The following TNFAIP8 variants were observed in gnomAD, a reference collection of about 807,000 sequenced individuals.
TNFAIP8 encodes the protein TNF alpha induced protein 8.
In TNFAIP8, 7 loss-of-function variants were observed where a neutral mutation model predicts 13.3. The ratio of observed to expected loss-of-function variants is 0.52; its 90% CI spans 0.30 to 0.99. The LOEUF (loss-of-function observed/expected upper bound fraction) is 0.99, where lower values mean the gene tolerates loss of function less well. TNFAIP8 is among the 50% of genes least tolerant of loss of function. The pLI is 0.07. For synonymous variants in TNFAIP8, 94 were observed against 87.6 expected (o/e 1.07, Z -0.41); for missense variants, 258 against 236.9 (o/e 1.09, Z -0.58).
At chr5:119,309,134 C>T (rs1012612102) in intron 1 of TNFAIP8, among the ~76,000 whole-genome samples, 2 of 152,198 alleles carry the variant, frequency 1.3e-5, no homozygotes, top group East Asian at 1.9e-4. Context: ...TCTACTCAAA[C>T]CACAACTTCC....
intron 1 of TNFAIP8, among the ~76,000 whole-genome samples, chr5:119,273,943 T>C (rs1581558914): frequency 6.6e-6 from 1 of 152,220 alleles, no homozygotes; most frequent in African/African-American, 2.4e-5. Flanking sequence ...CTCTTACTCC[T>C]TCAACCCAAA....
intron 1 of TNFAIP8, among the ~76,000 whole-genome samples, chr5:119,346,752 T>A (rs1415043659): frequency 1.3e-5 from 2 of 152,204 alleles, no homozygotes; most frequent in Non-Finnish European, 2.9e-5. Context: ...AAATGTTGTG[T>A]ATTGCTTTGT....
At chr5:119,335,784 C>A (rs1253302655) in intron 1 of TNFAIP8, among the ~76,000 whole-genome samples, 1 of 151,556 alleles carries the variant, frequency 6.6e-6, no homozygotes, top group Non-Finnish European at 1.5e-5. Flanking sequence ...TAAACATCAA[C>A]AAAATAAATA....
At chr5:119,364,821 T>TTTC (rs2112796668) in intron 1 of TNFAIP8, among the ~76,000 whole-genome samples, 1 of 151,328 alleles carries the variant, frequency 6.6e-6, no homozygotes, top group East Asian at 1.9e-4. Context: ...TGAAGGGTTT[T>TTTC]TTCCCCTTTT....
chr5:119,353,151 T>C (rs1581633928), upstream of TNFAIP8, among the ~76,000 whole-genome samples: 1 of 152,252 alleles, frequency 6.6e-6, no homozygotes, highest in African/African-American at 2.4e-5. Context: ...CTTCCATACA[T>C]GTTGCCATGT....
At chr5:119,304,385 C>T (rs571121719) in intron 1 of TNFAIP8, among the ~76,000 whole-genome samples, 2 of 152,318 alleles carry the variant, frequency 1.3e-5, no homozygotes, top group South Asian at 4.1e-4. Flanking sequence ...GCTTTGCAGC[C>T]TCATTTCCTC....
chr5:119,355,710 C>T (rs376781742), upstream of TNFAIP8: 1 of 267,496 alleles, frequency 3.7e-6, no homozygotes, highest in Non-Finnish European at 7.0e-6. Flanking sequence ...TTTTTTCCGC[C>T]CGTCTGGTGC....
In TNFAIP8 at chr5:119,396,430, T is replaced by C. The variant is rs1753074645; in HGVS notation, c.*3049T>C. ...AGGTGCTCACAATGACTTTTAACGT[T>C]GACTTCTGAGGTGCAGTGAGCTGCT... On this transcript the variant is annotated 3_prime_UTR_variant, in exon 2 of 2. Coordinates refer to ENST00000504771, the MANE Select transcript of TNFAIP8 (RefSeq NM_014350.4). The C allele has an allele frequency of 6.6e-6, 1 of 152,214 alleles. No homozygotes were observed. The highest frequency in any genetic ancestry group is 1.5e-5 in the Non-Finnish European group (1 of 68,036). The allele number at this position is 152,214 out of a possible 1,614,324, so 9.4% of individuals were successfully genotyped here. A position where few individuals can be genotyped will look rare whatever the true frequency, so the allele number is the denominator to read the frequency against.
chr5:119,389,683 T>A (rs1474787463), intron 1 of TNFAIP8, among the ~76,000 whole-genome samples: 1 of 152,072 alleles, frequency 6.6e-6, no homozygotes, highest in Non-Finnish European at 1.5e-5. Context: ...GTCTTCTTGG[T>A]GGAGGGGGAG....
intron 1 of TNFAIP8, among the ~76,000 whole-genome samples, chr5:119,310,854 A>G (rs1220769698): frequency 6.6e-6 from 1 of 151,816 alleles, no homozygotes; most frequent in Non-Finnish European, 1.5e-5. Flanking sequence ...CAATCAATAC[A>G]TTTCTCTGAG....
chr5:119,352,705 T>TA (rs1751215006), upstream of TNFAIP8, among the ~76,000 whole-genome samples: 1 of 151,994 alleles, frequency 6.6e-6, no homozygotes, highest in African/African-American at 2.4e-5. Context: ...GTCAGGCCTT[T>TA]AAAAAAAACT....
At chr5:119,374,805 A>C (rs1173072016) in intron 1 of TNFAIP8, among the ~76,000 whole-genome samples, 1 of 152,178 alleles carries the variant, frequency 6.6e-6, no homozygotes, top group Non-Finnish European at 1.5e-5. Flanking sequence ...TATTGCCAGA[A>C]GGTCAGATTT....
chr5:119,281,101 A>G (rs1267343271), intron 1 of TNFAIP8, among the ~76,000 whole-genome samples: 2 of 152,088 alleles, frequency 1.3e-5, no homozygotes, highest in African/African-American at 4.8e-5. Flanking sequence ...TGTTAAGGTG[A>G]TCCATGCTTG....
At chr5:119,378,978 T>C (rs1752384857) in intron 1 of TNFAIP8, among the ~76,000 whole-genome samples, 1 of 152,126 alleles carries the variant, frequency 6.6e-6, no homozygotes, top group Admixed American at 6.5e-5. Flanking sequence ...GTGGAGGATC[T>C]CTTGAGCCCA....
chr5:119,394,611 A>ACTTTTTTTTTTTTT lies in TNFAIP8; in HGVS notation c.*1230_*1231insCTTTTTTTTTTTTT. 1 of 114,694 alleles carries ACTTTTTTTTTTTTT rather than the reference A, an allele frequency of 8.7e-6. No individual in the cohort carries two copies. The allele number at this position is 114,694 out of a possible 1,614,324, so 7.1% of individuals were successfully genotyped here. A position where few individuals can be genotyped will look rare whatever the true frequency, so the allele number is the denominator to read the frequency against. ...CATTTCCATTGTCACTGTGTCTATG[A>ACTTTTTTTTTTTTT]TTTTTTTTTTTTTTTTTTTGAGTCT... On this transcript the variant is annotated 3_prime_UTR_variant, in exon 2 of 2. Coordinates refer to ENST00000504771, the MANE Select transcript of TNFAIP8 (RefSeq NM_014350.4).
At chr5:119,349,403 G>C (rs548987151) in intron 1 of TNFAIP8, among the ~76,000 whole-genome samples, 12 of 152,308 alleles carry the variant, frequency 7.9e-5, no homozygotes, top group African/African-American at 2.9e-4. Flanking sequence ...TTATTGTACA[G>C]ATGTGCAAAC....
At chr5:119,344,016 C>T (rs572065647) in intron 1 of TNFAIP8, among the ~76,000 whole-genome samples, 2 of 152,332 alleles carry the variant, frequency 1.3e-5, no homozygotes, top group African/African-American at 4.8e-5. Context: ...CCTCAAGTAG[C>T]ATCATTCACA....
At chr5:119,374,962 T>C (rs1361597055) in intron 1 of TNFAIP8, among the ~76,000 whole-genome samples, 1 of 152,194 alleles carries the variant, frequency 6.6e-6, no homozygotes, top group African/African-American at 2.4e-5. Flanking sequence ...TAGATAGTGG[T>C]AATAGTTGCA....
intron 1 of TNFAIP8, among the ~76,000 whole-genome samples, chr5:119,293,439 T>C (rs552130845): frequency 7.2e-5 from 11 of 152,306 alleles, no homozygotes; most frequent in African/African-American, 2.6e-4. Context: ...AGTGAGATCA[T>C]GTGGTGTTTG....
Sources: allele counts gnomAD v4.1 joint callset (sites outside exome capture counted in the v4.1 genomes callset), GRCh38; gene constraint gnomAD v4.1.1; transcripts MANE v1.5; gene names NCBI Gene and HGNC (gene_info 2026-07-23, HGNC 2026-07-21).